KAZN: variants seen among roughly 807,000 people sequenced by gnomAD.
KAZN encodes kazrin.
A neutral mutation model predicts 87.4 loss-of-function variants in KAZN; 40 were observed. That is an observed-to-expected ratio of 0.46 (90% CI 0.36 to 0.60). The LOEUF (loss-of-function observed/expected upper bound fraction) is 0.60, where lower values mean the gene tolerates loss of function less well. Among genes scored for constraint, KAZN ranks in the 20% least tolerant of loss-of-function variants. KAZN has a pLI of 0.00. For synonymous variants in KAZN, 466 were observed against 458.3 expected, an observed-to-expected ratio of 1.02 and a Z score of -0.22; for missense variants, 898 against 1,073.9, an observed-to-expected ratio of 0.84 and a Z score of 2.29.
intron 2 of KAZN, among the ~76,000 whole-genome samples, chr1:14,386,402 C>T (rs1202675313): frequency 6.6e-6 from 1 of 151,706 alleles, no homozygotes; most frequent in African/African-American, 2.4e-5. Flanking sequence ...CAGTTTCTTC[C>T]TAGTCTCAAT....
intron 2 of KAZN, among the ~76,000 whole-genome samples, chr1:14,291,443 G>T (rs1653685633): frequency 6.6e-6 from 1 of 152,220 alleles, no homozygotes. Context: ...ATCTCAGACT[G>T]CTGTGCTAGC....
At chr1:14,194,589 A>G (rs906452735) in intron 2 of KAZN, among the ~76,000 whole-genome samples, 7 of 152,092 alleles carry the variant, frequency 4.6e-5, no homozygotes, top group Non-Finnish European at 7.4e-5. Context: ...TAAAGTATCT[A>G]TTTGCATTTG....
chr1:15,010,279 G>A (rs1317693508), intron 2 of KAZN, among the ~76,000 whole-genome samples: 4 of 151,942 alleles, frequency 2.6e-5, no homozygotes. Flanking sequence ...TTCATCTAAA[G>A]GCTTGATCAG....
At chr1:14,385,174 AT>A (rs1280412234) in intron 2 of KAZN, among the ~76,000 whole-genome samples, 22 of 152,188 alleles carry the variant, frequency 1.4e-4, no homozygotes, top group Admixed American at 3.3e-4. Context: ...CCCCTTTATC[AT>A]TTTTTATTTC....
chr1:14,899,335 C>T (rs1323004568), intron 1 of KAZN, among the ~76,000 whole-genome samples: 1 of 152,182 alleles, frequency 6.6e-6, no homozygotes, highest in African/African-American at 2.4e-5. Flanking sequence ...CTGTCCTCAC[C>T]TCTCTTCAGC....
chr1:15,003,646 G>A (rs1163190453), intron 2 of KAZN, among the ~76,000 whole-genome samples: 1 of 152,186 alleles, frequency 6.6e-6, no homozygotes, highest in Non-Finnish European at 1.5e-5. Context: ...TGTTCTTTAT[G>A]TTCACGTTCT....
intron 2 of KAZN, among the ~76,000 whole-genome samples, chr1:14,538,961 G>A (rs996333017): frequency 2.0e-5 from 3 of 152,158 alleles, no homozygotes; most frequent in Admixed American, 6.5e-5. Flanking sequence ...TAGGGGAGGC[G>A]AGTGGATGGG....
rs191676069 is a variant in KAZN, at chr1:14,367,668, C to T, written c.249+187076C>T. Reference sequence around the variant, plus strand: ...GTAACCATGTCAACATCACCCCACCCCTTCTCTTCTTGGCTGCCATGCCTA... The same window carrying T: ...GTAACCATGTCAACATCACCCCACCTCTTCTCTTCTTGGCTGCCATGCCTA... On this transcript the variant is annotated intron_variant, in intron 2 of 16. Coordinates refer to the KAZN transcript ENST00000636203. Among the ~76,000 whole-genome samples, 22 of 152,252 alleles carry T rather than the reference C, an allele frequency of 1.4e-4. No homozygotes were observed. In the East Asian group the frequency reaches 4.3e-3, roughly 30 times the overall value.
intron 2 of KAZN, among the ~76,000 whole-genome samples, chr1:14,570,716 C>T (rs771571284): frequency 2.0e-5 from 3 of 152,118 alleles, no homozygotes; most frequent in Non-Finnish European, 2.9e-5. Context: ...TTTGTGTGGA[C>T]GTATGTTCTC....
At chr1:14,444,657 G>A (rs945166288) in intron 2 of KAZN, among the ~76,000 whole-genome samples, 7 of 151,996 alleles carry the variant, frequency 4.6e-5, no homozygotes, top group African/African-American at 1.2e-4. Flanking sequence ...AATTCACCCC[G>A]ACGTCTGGGT....
In KAZN at chr1:14,784,695, G is replaced by C. The variant is rs1245292045; in HGVS notation, c.227-175989G>C. 2.6e-5 allele frequency among the ~76,000 whole-genome samples: 4 copies of C among 152,272 alleles called. No individual in the cohort carries two copies. In the East Asian group the frequency reaches 7.7e-4, roughly 29 times the overall value. On this transcript the variant is annotated intron_variant, in intron 1 of 14. Coordinates refer to ENST00000376030, the MANE Select transcript of KAZN (RefSeq NM_201628.3). The stretch of plus-strand genomic sequence containing the variant: ...GATCACTTGAGCCCGGGAGGTCGAG[G>C]CTGCAATGAGCCAACACCATGCCAC...
chr1:14,244,559 A>G (rs1489337121), intron 2 of KAZN, among the ~76,000 whole-genome samples: 2 of 152,104 alleles, frequency 1.3e-5, no homozygotes, highest in Non-Finnish European at 2.9e-5. Flanking sequence ...ACGATAGACA[A>G]TGCATCCTAC....
chr1:15,105,110 G>T (rs1641249213), intron 13 of KAZN, among the ~76,000 whole-genome samples: 1 of 152,240 alleles, frequency 6.6e-6, no homozygotes, highest in South Asian at 2.1e-4. Flanking sequence ...AAGGGATATT[G>T]GTCTATAGTT....
At chr1:14,023,885 A>C (rs1640955904) in intron 1 of KAZN, among the ~76,000 whole-genome samples, 1 of 152,210 alleles carries the variant, frequency 6.6e-6, no homozygotes, top group Non-Finnish European at 1.5e-5. Context: ...TGAGAAATCA[A>C]GACAGAAACC....
chr1:14,342,583 A>G (rs559858921), intron 2 of KAZN, among the ~76,000 whole-genome samples: 9 of 152,368 alleles, frequency 5.9e-5, no homozygotes, highest in Non-Finnish European at 8.8e-5. Flanking sequence ...CTATGAGATA[A>G]TTGGCACTGA....
intron 2 of KAZN, among the ~76,000 whole-genome samples, chr1:14,964,537 A>G (rs942150283): frequency 2.0e-5 from 3 of 152,186 alleles, no homozygotes; most frequent in Non-Finnish European, 4.4e-5. Flanking sequence ...CATAAATAAG[A>G]TGCTTCACCA....
intron 1 of KAZN, among the ~76,000 whole-genome samples, chr1:13,985,644 A>C (rs571688287): frequency 6.6e-6 from 1 of 151,998 alleles, no homozygotes; most frequent in South Asian, 2.1e-4. Context: ...ATCCCTCCAA[A>C]AAAAAAACCC....
At chr1:14,106,753 A>T (rs1644382613) in intron 1 of KAZN, among the ~76,000 whole-genome samples, 1 of 152,180 alleles carries the variant, frequency 6.6e-6, no homozygotes, top group East Asian at 1.9e-4. Context: ...GGCATCCCAG[A>T]AGATGTGAAT....
At chr1:15,009,501 C>T (rs1234011706) in intron 2 of KAZN, among the ~76,000 whole-genome samples, 1 of 152,202 alleles carries the variant, frequency 6.6e-6, no homozygotes, top group Non-Finnish European at 1.5e-5. Flanking sequence ...AAACGTGCTT[C>T]CACAGCTGCA....
Sources: allele counts gnomAD v4.1 joint callset (sites outside exome capture counted in the v4.1 genomes callset), GRCh38; gene constraint gnomAD v4.1.1; transcripts MANE v1.5; gene names NCBI Gene and HGNC (gene_info 2026-07-23, HGNC 2026-07-21).